CASP6: variants seen among roughly 807,000 people sequenced by gnomAD.
CASP6 encodes the protein caspase-6.
Under a neutral mutation model 31.8 loss-of-function variants are expected in CASP6, and 20 were observed. The ratio of observed to expected loss-of-function variants is 0.63; its 90% CI spans 0.44 to 0.91. The LOEUF (loss-of-function observed/expected upper bound fraction) is 0.91, where lower values mean the gene tolerates loss of function less well. Among genes scored for constraint, CASP6 ranks in the 40% least tolerant of loss-of-function variants. The probability of loss-of-function intolerance (pLI) is 0.00; values close to 1 mark genes in which losing one functional copy is unlikely to be tolerated. For synonymous variants in CASP6, 130 were observed against 127.8 expected (o/e 1.02, Z -0.12); for missense variants, 328 against 361.1 (o/e 0.91, Z 0.74).
intron 1 of CASP6, among the ~76,000 whole-genome samples, chr4:109,699,674 G>C (rs1346663543): frequency 6.6e-6 from 1 of 152,038 alleles, no homozygotes; most frequent in Non-Finnish European, 1.5e-5. Flanking sequence ...TTTACACTAA[G>C]GTGTGAGAGC....
downstream of CASP6, chr4:109,685,228 T>TTC (rs201871696): frequency 2.4e-5 from 22 of 931,778 alleles, no homozygotes; most frequent in African/African-American, 3.4e-4. Context: ...TGTTGTTTTC[T>TTC]TCTCTCTCTC....
At chr4:109,678,056 A>C in the CASP6 span, among the ~76,000 whole-genome samples, 1 of 151,932 alleles carries the variant, frequency 6.6e-6, no homozygotes, top group Non-Finnish European at 1.5e-5. Flanking sequence ...CTGTTTAACA[A>C]AGCACATCTT....
chr4:109,667,199 A>C, the CASP6 span, among the ~76,000 whole-genome samples: 1 of 152,274 alleles, frequency 6.6e-6, no homozygotes, highest in East Asian at 1.9e-4. Flanking sequence ...AGAATTCACC[A>C]AGAAAATCCA....
downstream of CASP6, among the ~76,000 whole-genome samples, chr4:109,687,317 GC>G (rs1206684189): frequency 6.6e-6 from 1 of 151,742 alleles, no homozygotes; most frequent in Admixed American, 6.6e-5. Context: ...TGAGATGGTA[GC>G]ACTGCACTCC....
chr4:109,682,716 A>G, the CASP6 span: 1 of 1,613,890 alleles, frequency 6.2e-7, no homozygotes, highest in Non-Finnish European at 8.5e-7. Flanking sequence ...TGACCACCTG[A>G]AGGAACAGCT....
At chr4:109,699,406 T>A (rs538481035) in intron 1 of CASP6, among the ~76,000 whole-genome samples, 1 of 151,864 alleles carries the variant, frequency 6.6e-6, no homozygotes, top group East Asian at 1.9e-4. Context: ...TCACTTCTCC[T>A]CAAAAAAAAT....
At chr4:109,684,328 C>T, downstream of CASP6, 3 of 716,270 alleles carry the variant, frequency 4.2e-6, no homozygotes, top group South Asian at 2.0e-5. Context: ...TCCCAGAGTG[C>T]TGAGATTACA....
chr4:109,674,969 C>A, the CASP6 span, among the ~76,000 whole-genome samples: 3 of 152,042 alleles, frequency 2.0e-5, no homozygotes, highest in African/African-American at 7.2e-5. Flanking sequence ...GACAGTATAC[C>A]CAAACTTTTA....
At chr4:109,693,765 G>A (rs1730151462) in intron 5 of CASP6, among the ~76,000 whole-genome samples, 1 of 148,364 alleles carries the variant, frequency 6.7e-6, no homozygotes. Context: ...TTTAGACAGA[G>A]TCTCGCTCTG....
At chr4:109,701,755 G>A (rs867995960) in intron 1 of CASP6, among the ~76,000 whole-genome samples, 21 of 152,174 alleles carry the variant, frequency 1.4e-4, no homozygotes, top group African/African-American at 5.1e-4. Context: ...ATGGCCTGAT[G>A]CCTTAGATAC....
upstream of CASP6, among the ~76,000 whole-genome samples, chr4:109,708,234 T>C (rs1730658560): frequency 6.6e-6 from 1 of 152,208 alleles, no homozygotes; most frequent in African/African-American, 2.4e-5. Context: ...ATTGTATGCA[T>C]AAAATATTTC....
At chr4:109,672,687 A>G in the CASP6 span, among the ~76,000 whole-genome samples, 3 of 152,314 alleles carry the variant, frequency 2.0e-5, no homozygotes, top group South Asian at 6.2e-4. Context: ...CAAATTCTAG[A>G]TCAGGCAAGA....
At chr4:109,697,848 G>C (rs1383806870) in intron 2 of CASP6, 80 bp from the exon 3 acceptor site, 2 of 1,484,780 alleles carry the variant, frequency 1.3e-6, no homozygotes, top group African/African-American at 2.8e-5. Flanking sequence ...TCAACATGTA[G>C]ATAGAGATCT....
chr4:109,671,060 T>G, the CASP6 span, among the ~76,000 whole-genome samples: 1 of 152,240 alleles, frequency 6.6e-6, no homozygotes, highest in Non-Finnish European at 1.5e-5. Context: ...CTTTTCAATT[T>G]TGGCGACAGC....
the CASP6 span, among the ~76,000 whole-genome samples, chr4:109,666,042 G>A: frequency 6.6e-6 from 1 of 152,078 alleles, no homozygotes; most frequent in Non-Finnish European, 1.5e-5. Flanking sequence ...GAGGAGACGA[G>A]GCAGTAAAGA....
At chr4:109,687,824 A>G, downstream of CASP6, 1 of 487,538 alleles carries the variant, frequency 2.1e-6, no homozygotes. Flanking sequence ...GGCTGCTGTT[A>G]GCTAAAAATC....
downstream of CASP6, chr4:109,687,608 TG>T: frequency 6.5e-7 from 1 of 1,547,252 alleles, no homozygotes; most frequent in South Asian, 1.1e-5. Flanking sequence ...CAGTTTTAAA[TG>T]TCGTCAGATT....
At chr4:109,691,103 A>T (rs140639161) in intron 5 of CASP6, 94 bp from the exon 6 acceptor site, 97 of 1,309,696 alleles carry the variant, frequency 7.4e-5, no homozygotes, top group Middle Eastern at 5.4e-4. Flanking sequence ...GTACCCCTTC[A>T]TTACAACAGA....
chr4:109,684,101 C>A (rs1392345685), downstream of CASP6, among the ~76,000 whole-genome samples: 1 of 147,364 alleles, frequency 6.8e-6, no homozygotes, highest in South Asian at 2.1e-4. Flanking sequence ...CTTGCACTGT[C>A]GCCCAGGCTG....
Sources: allele counts gnomAD v4.1 joint callset (sites outside exome capture counted in the v4.1 genomes callset), GRCh38; gene constraint gnomAD v4.1.1; transcripts MANE v1.5; gene names NCBI Gene and HGNC (gene_info 2026-07-23, HGNC 2026-07-21).